NYAP2: variants seen among roughly 807,000 people sequenced by gnomAD.
NYAP2 encodes the protein neuronal tyrosine-phosphorylated phosphoinositide-3-kinase adaptor 2.
A neutral mutation model predicts 50.4 loss-of-function variants in NYAP2; 23 were observed. The observed-to-expected ratio is 0.46, with a 90% CI of 0.33 to 0.65. The LOEUF is 0.65. NYAP2 is among the 30% of genes least tolerant of loss of function. The probability of loss-of-function intolerance (pLI) is 0.02; values close to 1 mark genes in which losing one functional copy is unlikely to be tolerated. For missense variants in NYAP2, 885 were observed against 861.0 expected (o/e 1.03, Z -0.35); for synonymous variants, 394 against 365.2 (o/e 1.08, Z -0.90).
chr2:225,651,682 T>G, exon 7 of NYAP2: 1 of 1,050,642 alleles, frequency 9.5e-7, no homozygotes, highest in Admixed American at 2.4e-5. Flanking sequence ...ATGCGGGGGA[T>G]GAGTTCTGGC....
At chr2:225,622,541 C>CTTTT (rs1158680997) in intron 5 of NYAP2, among the ~76,000 whole-genome samples, 2 of 64,680 alleles carry the variant, frequency 3.1e-5, no homozygotes, top group African/African-American at 1.4e-4. Flanking sequence ...TTCTTTCTTT[C>CTTTT]TTTCTTTCTT....
chr2:225,683,483 C>G, the NYAP2 span, among the ~76,000 whole-genome samples: 1 of 152,112 alleles, frequency 6.6e-6, no homozygotes, highest in Non-Finnish European at 1.5e-5. Flanking sequence ...AAATTCTTTC[C>G]AGTTATTTTG....
intron 4 of NYAP2, among the ~76,000 whole-genome samples, chr2:225,527,635 G>A (rs1480820230): frequency 1.3e-5 from 2 of 152,056 alleles, no homozygotes; most frequent in East Asian, 3.8e-4. Context: ...GGCCCACCCA[G>A]AACAATCTAC....
At chr2:225,477,370 G>A (rs1217300361) in intron 3 of NYAP2, among the ~76,000 whole-genome samples, 1 of 150,114 alleles carries the variant, frequency 6.7e-6, no homozygotes, top group Non-Finnish European at 1.5e-5. Context: ...CCGAGTAGCT[G>A]GGACTACAGG....
intron 3 of NYAP2, among the ~76,000 whole-genome samples, chr2:225,427,321 G>C (rs1208325115): frequency 6.6e-6 from 1 of 152,182 alleles, no homozygotes; most frequent in Non-Finnish European, 1.5e-5. Flanking sequence ...TACAAATAAT[G>C]ACACTTCATC....
chr2:225,529,586 A>G (rs1200197344), intron 4 of NYAP2, among the ~76,000 whole-genome samples: 2 of 152,140 alleles, frequency 1.3e-5, no homozygotes, highest in African/African-American at 4.8e-5. Context: ...CGGCCTCCAT[A>G]AGTGCTGGGA....
chr2:225,528,854 G>C (rs928124927), intron 4 of NYAP2, among the ~76,000 whole-genome samples: 2 of 152,158 alleles, frequency 1.3e-5, no homozygotes, highest in Admixed American at 6.5e-5. Context: ...TATGAGACTC[G>C]ATGTTCCCAA....
intron 3 of NYAP2, among the ~76,000 whole-genome samples, chr2:225,445,513 G>T (rs997045155): frequency 6.6e-6 from 1 of 151,874 alleles, no homozygotes; most frequent in African/African-American, 2.4e-5. Flanking sequence ...AAAGGCAAGT[G>T]CTTCTCTCTT....
At chr2:225,606,955 T>C (rs988916859) in intron 5 of NYAP2, among the ~76,000 whole-genome samples, 2 of 152,126 alleles carry the variant, frequency 1.3e-5, no homozygotes, top group African/African-American at 4.8e-5. Context: ...ACCACCCTTC[T>C]TCTGTTCTAT....
intron 6 of NYAP2, among the ~76,000 whole-genome samples, chr2:225,643,721 A>G (rs1574726995): frequency 6.6e-6 from 1 of 151,744 alleles, no homozygotes; most frequent in East Asian, 1.9e-4. Flanking sequence ...GCGATAGTTT[A>G]CTGAGAATGA....
intron 6 of NYAP2, among the ~76,000 whole-genome samples, chr2:225,628,398 T>C (rs1478416154): frequency 4.1e-5 from 6 of 147,452 alleles, no homozygotes; most frequent in Non-Finnish European, 4.5e-5. Context: ...CTTGGCTCAC[T>C]GCAACCTCCG....
intron 5 of NYAP2, among the ~76,000 whole-genome samples, chr2:225,614,306 C>G (rs969189490): frequency 7.2e-5 from 11 of 152,080 alleles, no homozygotes; most frequent in Admixed American, 5.9e-4. Flanking sequence ...TTAAAATAAT[C>G]ATTTTTTAAA....
At chr2:225,529,091 T>C (rs893091684) in intron 4 of NYAP2, among the ~76,000 whole-genome samples, 3 of 152,218 alleles carry the variant, frequency 2.0e-5, no homozygotes, top group Non-Finnish European at 4.4e-5. Flanking sequence ...TGCTAAATTA[T>C]TGAATTAATA....
At chr2:225,463,680 C>CTTTT (rs1221792125) in intron 3 of NYAP2, among the ~76,000 whole-genome samples, 1 of 152,234 alleles carries the variant, frequency 6.6e-6, no homozygotes, top group Non-Finnish European at 1.5e-5. Context: ...ATTTGGAGTT[C>CTTTT]TTTTCTTCCA....
At chr2:225,615,830 C>T (rs994743330) in intron 5 of NYAP2, among the ~76,000 whole-genome samples, 1 of 152,186 alleles carries the variant, frequency 6.6e-6, no homozygotes, top group Non-Finnish European at 1.5e-5. Context: ...TTTCTCCACC[C>T]TCTAAGTTTC....
chr2:225,569,140 G>A (rs1448913140), intron 4 of NYAP2, among the ~76,000 whole-genome samples: 2 of 152,124 alleles, frequency 1.3e-5, no homozygotes, highest in Non-Finnish European at 2.9e-5. Context: ...AAAGTGGCCT[G>A]GGATGAAGTC....
chr2:225,574,171 G>T (rs1376132769), intron 4 of NYAP2, among the ~76,000 whole-genome samples: 1 of 152,188 alleles, frequency 6.6e-6, no homozygotes, highest in Non-Finnish European at 1.5e-5. Context: ...CTCCTAGGTT[G>T]CAATTCCTCA....
At position 225,582,718 on chromosome 2, in the gene NYAP2, C is replaced by T. The variant is rs752672785; in HGVS notation, c.1301C>T (p.Ser434Phe). Residue 434 changes from serine (S) to phenylalanine (F), a missense_variant, in exon 5 of 7, where the codon TCC becomes TTC. Ser to Phe is a radical substitution (Grantham distance 155). Transcript: ENST00000636099. The surrounding 1 kb of genome is among the most constrained non-coding windows in gnomAD (Gnocchi z 7.0). ...CCCCATGGCTACCCTAAAAGTCACT[C>T]CACCTCTCCCTCCCCCGTCAGCATG... 1.2e-6 allele frequency: 2 copies of T among 1,610,450 alleles called. No individual in the cohort carries two copies.
At chr2:225,483,941 A>G (rs1159349189) in intron 3 of NYAP2, among the ~76,000 whole-genome samples, 1 of 152,226 alleles carries the variant, frequency 6.6e-6, no homozygotes, top group Non-Finnish European at 1.5e-5. Context: ...TAAAATTTTA[A>G]ATAACTATAT....
Sources: allele counts gnomAD v4.1 joint callset (sites outside exome capture counted in the v4.1 genomes callset), GRCh38; gene constraint gnomAD v4.1.1; non-coding constraint Gnocchi (gnomAD v3.1); transcripts MANE v1.5; gene names NCBI Gene and HGNC (gene_info 2026-07-23, HGNC 2026-07-21).